Variants in DCLK1 observed in about 807,000 individuals in gnomAD.
The protein encoded by DCLK1 is serine/threonine-protein kinase DCLK1.
A neutral mutation model predicts 86.2 loss-of-function variants in DCLK1; 16 were observed. The observed-to-expected ratio is 0.19, with a 90% CI of 0.13 to 0.28. The LOEUF is 0.28. DCLK1 is among the 10% of genes least tolerant of loss of function. DCLK1 has a pLI of 1.00. For synonymous variants in DCLK1, 369 were observed against 370.5 expected (o/e 1.00, Z 0.05); for missense variants, 590 against 940.2 (o/e 0.63, Z 4.87).
intron 4 of DCLK1, among the ~76,000 whole-genome samples, chr13:35,920,331 G>A (rs1457928643): frequency 6.6e-6 from 1 of 152,182 alleles, no homozygotes; most frequent in Non-Finnish European, 1.5e-5. Context: ...GGGACTAGCT[G>A]TGAAGTGTAT....
At chr13:35,918,776 G>C (rs1201650087) in intron 4 of DCLK1, among the ~76,000 whole-genome samples, 1 of 151,684 alleles carries the variant, frequency 6.6e-6, no homozygotes, top group African/African-American at 2.4e-5. Context: ...CTCAAATAAA[G>C]GGATTTATGA....
At position 36,053,628 on chromosome 13, in the gene DCLK1, T is replaced by G. The variant is rs546869173; in HGVS notation, c.723+58241A>C. Among the ~76,000 whole-genome samples the G allele has an allele frequency of 6.7e-5, 10 of 150,306 alleles. No homozygotes were observed. The East Asian group carries it at 9.7e-4, about 15-fold the overall frequency. On this transcript the variant is annotated intron_variant, in intron 3 of 16. Transcript: ENST00000360631. The stretch of plus-strand genomic sequence containing the variant: ...AATGTGTGTGTATATAGTATCACGA[T>G]ATATATATATATAAATTATATGTAT...
chr13:35,913,574 G>C lies in DCLK1; in HGVS notation c.823+33784C>G, dbSNP rs1207751802. Among the ~76,000 whole-genome samples the C allele has an allele frequency of 2.6e-5, 4 of 152,106 alleles. No homozygotes were observed. The East Asian group carries it at 7.7e-4, about 29-fold the overall frequency. ...TGGAAATACACAGAAAAGGCTATCTGCATATACCCTTGGCTATCAAAGTTT... is the reference window on the plus strand; with the variant it reads ...TGGAAATACACAGAAAAGGCTATCTCCATATACCCTTGGCTATCAAAGTTT... On this transcript the variant is annotated intron_variant, in intron 4 of 16. Transcript: ENST00000360631.
intron 11 of DCLK1, among the ~76,000 whole-genome samples, chr13:35,820,293 T>C (rs1429523485): frequency 6.6e-6 from 1 of 152,240 alleles, no homozygotes; most frequent in African/African-American, 2.4e-5. Context: ...AAAATCTCGT[T>C]AGTTTTTCAT....
chr13:35,902,592 G>A (rs775475144), intron 4 of DCLK1, among the ~76,000 whole-genome samples: 8 of 152,170 alleles, frequency 5.3e-5, no homozygotes, highest in Non-Finnish European at 1.2e-4. Flanking sequence ...TAAGCCTGGG[G>A]GATGAGGGGG....
rs559413774 is a variant in DCLK1, at chr13:35,812,668, C to T, written c.1555-1700G>A. Among the ~76,000 whole-genome samples the T allele has an allele frequency of 3.3e-5, 5 of 152,324 alleles. No homozygotes were observed. In the East Asian group the frequency reaches 9.6e-4, roughly 29 times the overall value. On this transcript the variant is annotated intron_variant, in intron 11 of 16. Transcript: ENST00000360631. Reference sequence around the variant, plus strand: ...TCAGATCCACCTATCTGAAAGACTGCATCTTTTCTGAGCAGAAAATATTCT... The same window carrying T: ...TCAGATCCACCTATCTGAAAGACTGTATCTTTTCTGAGCAGAAAATATTCT...
intron 4 of DCLK1, among the ~76,000 whole-genome samples, chr13:35,903,645 C>T (rs1874508710): frequency 1.4e-5 from 2 of 141,684 alleles, no homozygotes; most frequent in South Asian, 2.3e-4. Flanking sequence ...ATGTTGAAGG[C>T]TATACATACA....
chr13:35,961,642 T>C (rs1038137947), intron 3 of DCLK1, among the ~76,000 whole-genome samples: 31 of 152,190 alleles, frequency 2.0e-4, no homozygotes, highest in Admixed American at 1.1e-3. Context: ...AAGTAGATGA[T>C]TGAAAATTCC....
At chr13:36,058,203 G>A (rs1442919689) in intron 3 of DCLK1, among the ~76,000 whole-genome samples, 3 of 152,160 alleles carry the variant, frequency 2.0e-5, no homozygotes, top group Non-Finnish European at 1.5e-5. Flanking sequence ...CCATCTCTGT[G>A]AAGGAAAATC....
chr13:35,972,403 G>C (rs927874204), intron 3 of DCLK1, among the ~76,000 whole-genome samples: 2 of 152,132 alleles, frequency 1.3e-5, no homozygotes, highest in African/African-American at 4.8e-5. Flanking sequence ...CAGCTCATGT[G>C]TGTGTAGAGA....
At chr13:36,121,357 A>G (rs925492756) in intron 2 of DCLK1, among the ~76,000 whole-genome samples, 1 of 152,194 alleles carries the variant, frequency 6.6e-6, no homozygotes, top group Admixed American at 6.5e-5. Flanking sequence ...AGGTCCAAAA[A>G]TATTACATGA....
intron 4 of DCLK1, among the ~76,000 whole-genome samples, chr13:35,887,383 G>A (rs1051659878): frequency 6.6e-6 from 1 of 152,164 alleles, no homozygotes; most frequent in African/African-American, 2.4e-5. Context: ...CCTTAAAGCC[G>A]TTCACAACCA....
chr13:36,125,960 G>A lies in DCLK1; in HGVS notation c.178C>T (p.Arg60Cys). ...LSSEKKAKKV[R>C]FYRNGDRYFK... ...TATCGATCTCCGTTTCGATAGAAAC[G>A]AACTTTCTTGGCCTTCTTCTCGGAG... Residue 60 changes from arginine to cysteine, a missense_variant, in exon 2 of 17, where the codon CGT becomes TGT. This residue lies in a region of DCLK1 where 195 missense variants were observed against 365.1 expected (regional missense o/e 0.53). Coordinates refer to ENST00000360631, the MANE Select transcript of DCLK1 (RefSeq NM_001330071.2). 1 of 1,614,194 alleles carries A rather than the reference G, an allele frequency of 6.2e-7. No individual in the cohort carries two copies. Among genetic ancestry groups the A allele is most frequent in the South Asian group, 1.1e-5 (1 of 91,078 alleles).
At chr13:36,124,311 T>C (rs1387170593) in intron 2 of DCLK1, among the ~76,000 whole-genome samples, 1 of 152,242 alleles carries the variant, frequency 6.6e-6, no homozygotes, top group African/African-American at 2.4e-5. Flanking sequence ...ATGTTAATTC[T>C]TCTCCTTTAA....
At chr13:35,977,278 G>A (rs1479327226) in intron 3 of DCLK1, among the ~76,000 whole-genome samples, 1 of 152,140 alleles carries the variant, frequency 6.6e-6, no homozygotes, top group Non-Finnish European at 1.5e-5. Context: ...TGTCTGGGCA[G>A]ATTGGGCAAG....
intron 3 of DCLK1, among the ~76,000 whole-genome samples, chr13:36,014,996 CTCTCTCTT>C (rs980921723): frequency 7.7e-5 from 2 of 25,990 alleles, no homozygotes; most frequent in African/African-American, 3.3e-4. Context: ...CCCTCTCTCT[CTCTCTCTT>C]TCTCTCTCTC....
chr13:35,776,655 T>C (rs2086429913), intron 16 of DCLK1, among the ~76,000 whole-genome samples: 1 of 152,210 alleles, frequency 6.6e-6, no homozygotes. Context: ...CAGCCAAGAC[T>C]CCCAGAAATG....
intron 8 of DCLK1, among the ~76,000 whole-genome samples, chr13:35,830,888 C>T (rs1224288489): frequency 6.6e-6 from 1 of 152,202 alleles, no homozygotes; most frequent in Non-Finnish European, 1.5e-5. Context: ...CCCATGTTTG[C>T]CATTTGATGC....
chr13:35,780,746 G>C (rs1325465744), intron 16 of DCLK1, among the ~76,000 whole-genome samples: 1 of 152,246 alleles, frequency 6.6e-6, no homozygotes, highest in Admixed American at 6.5e-5. Context: ...AAAGCCCTTA[G>C]CAGATGCTAG....
Sources: gnomAD v4.1 joint callset for allele counts (sites outside exome capture counted in the v4.1 genomes callset) on GRCh38, gnomAD v4.1.1 for gene constraint, gnomAD v4.1.1 regional missense constraint, MANE v1.5 for transcripts, NCBI Gene and HGNC (gene_info 2026-07-23, HGNC 2026-07-21) for gene names.